DHRSX: variants seen among roughly 807,000 people sequenced by gnomAD.
DHRSX encodes dehydrogenase/reductase X-linked, also known as polyprenol dehydrogenase.
In DHRSX, 31 loss-of-function variants were observed where a neutral mutation model predicts 34.0. That is an observed-to-expected ratio of 0.91 (90% CI 0.69 to 1.23). The LOEUF is 1.23. Among genes scored for constraint, DHRSX ranks in the 50% most tolerant of loss-of-function variants. The pLI is 0.00. For missense variants in DHRSX, 414 were observed against 428.1 expected (o/e 0.97, Z 0.29); for synonymous variants, 201 against 183.8 (o/e 1.09, Z -0.76).
chrX:2,347,463 A>T (rs62583734), intron 3 of DHRSX, among the ~76,000 whole-genome samples: 1 of 152,066 alleles, frequency 6.6e-6, no homozygotes. Flanking sequence ...GGAGGCCAAC[A>T]CAGGTGGATC....
At chrX:2,486,165 G>A (rs1337782829) in intron 1 of DHRSX, among the ~76,000 whole-genome samples, 5 of 151,990 alleles carry the variant, frequency 3.3e-5, no homozygotes, top group Admixed American at 6.6e-5. Flanking sequence ...CTCTGCTCCC[G>A]GGGAACACTT....
intron 1 of DHRSX, among the ~76,000 whole-genome samples, chrX:2,481,658 C>T (rs2044773340): frequency 6.6e-6 from 1 of 151,320 alleles, no homozygotes; most frequent in Non-Finnish European, 1.5e-5. Flanking sequence ...AAGAGTGAAA[C>T]TGTCTTAAAA....
At chrX:2,264,637 C>T (rs1314493738) in intron 5 of DHRSX, among the ~76,000 whole-genome samples, 5 of 147,600 alleles carry the variant, frequency 3.4e-5, no homozygotes, top group African/African-American at 7.5e-5. Context: ...CAGGGAGCAT[C>T]GTGCCCAGAA....
chrX:2,472,382 A>C (rs2044606692), intron 1 of DHRSX, among the ~76,000 whole-genome samples: 1 of 152,152 alleles, frequency 6.6e-6, no homozygotes, highest in Non-Finnish European at 1.5e-5. Context: ...AGATGGTAGT[A>C]GGCTTACTAC....
intron 1 of DHRSX, among the ~76,000 whole-genome samples, chrX:2,437,700 T>A (rs6642153): frequency 1.2e-3 from 20 of 16,482 alleles, no homozygotes; most frequent in Non-Finnish European, 1.2e-3. Flanking sequence ...AGAGAGAGAG[T>A]GTGTGTGTGT....
chrX:2,379,685 T>C (rs1339752685), intron 3 of DHRSX, among the ~76,000 whole-genome samples: 2 of 149,528 alleles, frequency 1.3e-5, no homozygotes, highest in African/African-American at 2.5e-5. Context: ...GGAGAGCTCA[T>C]GAAGGACCCT....
chrX:2,222,239 T>C (rs963325963), intron 6 of DHRSX, among the ~76,000 whole-genome samples: 5 of 152,218 alleles, frequency 3.3e-5, no homozygotes, highest in Non-Finnish European at 5.9e-5. Flanking sequence ...GTCCAGAGTT[T>C]TTACTGGGGT....
At chrX:2,295,321 A>G (rs1465640531) in intron 3 of DHRSX, among the ~76,000 whole-genome samples, 1 of 152,206 alleles carries the variant, frequency 6.6e-6, no homozygotes, top group Non-Finnish European at 1.5e-5. Context: ...AAACTATCAC[A>G]GGAACAGAAA....
At chrX:2,320,292 T>C (rs1335053643) in intron 3 of DHRSX, among the ~76,000 whole-genome samples, 1 of 117,682 alleles carries the variant, frequency 8.5e-6, no homozygotes, top group Non-Finnish European at 1.8e-5. Context: ...TGTGGACTTT[T>C]CTTTTCTTTT....
Position 2,378,195 on chromosome X carries a change from T to C in DHRSX, c.286+30550A>G, listed in dbSNP as rs1180624918. On this transcript the variant is annotated intron_variant, in intron 3 of 6. Coordinates refer to ENST00000334651, the MANE Select transcript of DHRSX (RefSeq NM_145177.3). ...TCCAGGAATGTCCTTTGACACGGGC[T>C]CTGCCCTTGGATGACCAGGTGGTCA... Among the ~76,000 whole-genome samples the C allele has an allele frequency of 3.9e-5, 6 of 152,392 alleles. No individual in the cohort carries two copies. In the East Asian group the frequency reaches 9.6e-4, roughly 24 times the overall value.
At chrX:2,224,559 G>A (rs2015593352) in intron 6 of DHRSX, among the ~76,000 whole-genome samples, 1 of 152,148 alleles carries the variant, frequency 6.6e-6, no homozygotes, top group South Asian at 2.1e-4. Flanking sequence ...ACACAGAGAT[G>A]ACGACGTGAT....
chrX:2,305,535 G>A (rs2042088146), intron 3 of DHRSX, among the ~76,000 whole-genome samples: 1 of 152,044 alleles, frequency 6.6e-6, no homozygotes. Flanking sequence ...AAAGACACAT[G>A]CACATGTGTG....
intron 3 of DHRSX, among the ~76,000 whole-genome samples, chrX:2,366,712 C>T (rs2042997844): frequency 6.6e-6 from 1 of 152,150 alleles, no homozygotes; most frequent in African/African-American, 2.4e-5. Context: ...ATCCTCCTGC[C>T]TCAGCATCTT....
At chrX:2,346,358 C>T (rs978759245) in intron 3 of DHRSX, among the ~76,000 whole-genome samples, 10 of 151,958 alleles carry the variant, frequency 6.6e-5, no homozygotes, top group East Asian at 3.9e-4. Context: ...CAAATATTGC[C>T]GAGTGTGGTT....
At chrX:2,492,307 G>A (rs1278615547) in intron 1 of DHRSX, among the ~76,000 whole-genome samples, 1 of 152,096 alleles carries the variant, frequency 6.6e-6, no homozygotes, top group African/African-American at 2.4e-5. Context: ...GAGGAGACAC[G>A]GACACACAGG....
intron 3 of DHRSX, among the ~76,000 whole-genome samples, chrX:2,294,776 G>A (rs1334261327): frequency 6.7e-6 from 1 of 149,872 alleles, no homozygotes; most frequent in African/African-American, 2.4e-5. Flanking sequence ...AAGAGAGAGA[G>A]AGAGAGGAAA....
rs369576773 is a variant in DHRSX, at chrX:2,410,412, G to C, written c.218-1599C>G. ...TGATCTGCAAGGAGCAGTTACCAAG[G>C]GGGTGGGGCCGGTCTATCTCCATCC... is the stretch of plus-strand genomic sequence containing the variant. On this transcript the variant is annotated intron_variant, in intron 2 of 6. Coordinates refer to ENST00000334651, the MANE Select transcript of DHRSX (RefSeq NM_145177.3). Among the ~76,000 whole-genome samples the C allele has an allele frequency of 2.4e-3, 371 of 152,298 alleles. 6 individuals are homozygous for C. The South Asian group carries it at 0.032, about 13-fold the overall frequency.
intron 5 of DHRSX, among the ~76,000 whole-genome samples, chrX:2,258,508 C>T (rs2041310950): frequency 1.3e-5 from 2 of 152,090 alleles, no homozygotes; most frequent in African/African-American, 2.4e-5. Flanking sequence ...CAGACACACA[C>T]AGAGGGATGA....
intron 3 of DHRSX, among the ~76,000 whole-genome samples, chrX:2,406,978 C>T (rs1310868578): frequency 6.6e-6 from 1 of 152,162 alleles, no homozygotes; most frequent in Non-Finnish European, 1.5e-5. Context: ...ATGTGCATTG[C>T]AGCACTATTC....
Sources: allele counts gnomAD v4.1 joint callset (sites outside exome capture counted in the v4.1 genomes callset), GRCh38; gene constraint gnomAD v4.1.1; transcripts MANE v1.5; gene names NCBI Gene and HGNC (gene_info 2026-07-23, HGNC 2026-07-21).